The following LY9 variants were observed in gnomAD, a reference collection of about 807,000 sequenced individuals.
LY9 encodes the protein lymphocyte antigen 9.
In LY9, 59 loss-of-function variants were observed where a neutral mutation model predicts 64.6. The ratio of observed to expected loss-of-function variants is 0.91; its 90% CI spans 0.74 to 1.13. The LOEUF (loss-of-function observed/expected upper bound fraction) is 1.13. Among genes scored for constraint, LY9 ranks in the 50% most tolerant of loss-of-function variants. The pLI is 0.00. For missense variants in LY9, 789 were observed against 797.2 expected, an observed-to-expected ratio of 0.99 and a Z score of 0.12; for synonymous variants, 281 against 308.5, an observed-to-expected ratio of 0.91 and a Z score of 0.93.
rs1227399668 is a variant in LY9 at position 160,827,848 on chromosome 1, A to G, written c.*32A>G. On this transcript the variant is annotated 3_prime_UTR_variant, in exon 10 of 10. Transcript: ENST00000263285. ...AAGCAGCTGCTGCCTCTCTCCTGGG[A>G]CCGTGGGGTTGGAAAGTCAGCTGGA... is the stretch of plus-strand genomic sequence containing the variant. 3 of 1,587,994 alleles carry G rather than the reference A, an allele frequency of 1.9e-6. No individual in the cohort carries two copies. The African/African-American group carries it at 4.1e-5, about 21-fold the overall frequency.
chr1:160,814,665 C>T lies in LY9; in HGVS notation c.976C>T (p.Gln326Ter). ...CCAGGACTGCTCCCTGAAGATCAGCCAGCTGAAGATAGAGGACGCCGGCCC... is the reference window on the plus strand; with the variant it reads ...CCAGGACTGCTCCCTGAAGATCAGCTAGCTGAAGATAGAGGACGCCGGCCC... Reference protein sequence around the residue: ...SSQDCSLKISQLKIEDAGPYH... With the variant: ...SSQDCSLKIS Residue 326 changes from glutamine (Q) to a stop codon, truncating the protein, a stop_gained, in exon 4 of 10, where the codon CAG becomes TAG. Transcript: ENST00000263285. LOFTEE classifies it high-confidence loss of function. 1 of 1,614,188 alleles carries T rather than the reference C, an allele frequency of 6.2e-7. No homozygotes were observed. Among genetic ancestry groups the T allele is most frequent in the Non-Finnish European group, 8.5e-7 (1 of 1,180,028 alleles).
Position 160,814,724 on chromosome 1 carries a change from C to A in LY9, c.1035C>A (p.Ser345Arg), listed in dbSNP as rs145903479. The stretch of plus-strand genomic sequence containing the variant: ...CCTACGTGTGCTCAGAGGCCTCCAG[C>A]GTCACCAGCATGACACATGTCACCC... The part of the protein sequence containing the change: ...YHAYVCSEAS[S>R]VTSMTHVTLL... Residue 345 changes from serine to arginine, a missense_variant, in exon 4 of 10, where the codon AGC (serine) becomes AGA (arginine). Transcript: ENST00000263285. 18 of 1,613,972 alleles carry A rather than the reference C, an allele frequency of 1.1e-5. No homozygotes were observed. The highest frequency in any genetic ancestry group is 1.4e-5 in the Non-Finnish European group (17 of 1,179,924).
At position 160,819,745 on chromosome 1, in the gene LY9, C is replaced by A. The variant is rs1240633115; in HGVS notation, c.1498+371C>A. ...GGTGGAGGTTGCAGTCAGCCTAGAT[C>A]ACGCCACTGCACTACAGTCTGGGCA... On this transcript the variant is annotated intron_variant, in intron 7 of 9. Coordinates refer to ENST00000263285, the MANE Select transcript of LY9 (RefSeq NM_002348.4). 2.2e-4 allele frequency among the ~76,000 whole-genome samples: 32 copies of A among 145,636 alleles called. 3 individuals are homozygous for A. The highest frequency in any genetic ancestry group is 2.6e-5 in the African/African-American group (1 of 39,206).
chr1:160,807,295 A>G (rs1489585578), intron 2 of LY9, among the ~76,000 whole-genome samples: 3 of 152,100 alleles, frequency 2.0e-5, no homozygotes, highest in Admixed American at 6.6e-5. Context: ...GGGTGCATGC[A>G]GTAGTATAGT....
Position 160,799,776 on chromosome 1 carries a change from TC to T in LY9, c.149del (p.Ser50Ter), listed in dbSNP as rs1344631993. 1 of 1,613,538 alleles carries T rather than the reference TC, an allele frequency of 6.2e-7. No individual in the cohort carries two copies. On this transcript the variant is annotated frameshift_variant, in exon 2 of 10. Coordinates refer to ENST00000263285, the MANE Select transcript of LY9 (RefSeq NM_002348.4). LOFTEE classifies it high-confidence loss of function. ...AGGACTAAGAGCCTCTGGAAAGGACTCAGCCCCAACAGTGGTGTCAGGGATC... is the reference window on the plus strand; with the variant it reads ...AGGACTAAGAGCCTCTGGAAAGGACTAGCCCCAACAGTGGTGTCAGGGATC... Reference protein sequence around the residue: ...LMGLRASGKDSAPTVVSGILG... With the variant: ...LMGLRASGKDXAPTVVSGILG...
At chr1:160,796,348 C>A in intron 1 of LY9, 37 bp downstream of exon 1, 3 of 1,595,718 alleles carry the variant, frequency 1.9e-6, no homozygotes, top group Non-Finnish European at 2.6e-6. Flanking sequence ...CTTGCTACTG[C>A]GGTTCTTCTG....
chr1:160,827,766 C>A lies in LY9; in HGVS notation c.1918C>A (p.Gln640Lys), dbSNP rs1202741485. Residue 640 changes from glutamine (Q) to lysine (K), a missense_variant, in exon 10 of 10, where the codon CAG becomes AAG. Coordinates refer to ENST00000263285, the MANE Select transcript of LY9 (RefSeq NM_002348.4). Reference sequence around the variant, plus strand: ...CTCACAGGTGGTGCCACCACCACAACAGAATGATCTTGAGATTCCTGAAAG... The same window carrying A: ...CTCACAGGTGGTGCCACCACCACAAAAGAATGATCTTGAGATTCCTGAAAG... ...RKPQVVPPPQ[Q>K]NDLEIPESPT... 2 of 1,610,356 alleles carry A rather than the reference C, an allele frequency of 1.2e-6. No homozygotes were observed. Among genetic ancestry groups the A allele is most frequent in the Non-Finnish European group, 1.7e-6 (2 of 1,178,496 alleles).
In LY9 at chr1:160,816,803, A is replaced by G. The variant is rs1438956750; in HGVS notation, c.1282A>G (p.Thr428Ala). Residue 428 changes from threonine (T) to alanine (A), a missense_variant, in exon 5 of 10, where the codon ACA (threonine) becomes GCA (alanine). Transcript: ENST00000263285. ...TGAAAATCACCCCAACCTCACATGC[A>G]CAGCCAGCAACCCTGTCAGCAGGAG... ...SSENHPNLTCTASNPVSRSSH... is the reference protein window; with the variant it reads ...SSENHPNLTCAASNPVSRSSH... 1.9e-6 allele frequency: 3 copies of G among 1,614,134 alleles called. No individual in the cohort carries two copies. Among genetic ancestry groups the G allele is most frequent in the Non-Finnish European group, 2.5e-6 (3 of 1,180,060 alleles).
At chr1:160,811,288 A>G (rs1423213987) in intron 2 of LY9, 1 of 152,188 alleles carries the variant, frequency 6.6e-6, no homozygotes, top group African/African-American at 2.4e-5. Context: ...ACACTCCTTC[A>G]TTTGTCCTGT....
At chr1:160,819,932 GA>G (rs1242476056) in intron 7 of LY9, among the ~76,000 whole-genome samples, 1 of 151,848 alleles carries the variant, frequency 6.6e-6, no homozygotes, top group Non-Finnish European at 1.5e-5. Context: ...ATTTTAACAA[GA>G]TCCATAAGTG....
At position 160,816,579 on chromosome 1, in the gene LY9, C is replaced by A; in HGVS notation, c.1073-15C>A. ...CAGGCCTGATTCCACATGGAGTCTG[C>A]CTCTCTCCTCACAGGCAGGCTGAGG... On this transcript the variant is annotated splice_polypyrimidine_tract_variant and intron_variant, in intron 4 of 9. Transcript: ENST00000263285. The A allele has an allele frequency of 6.3e-7, 1 of 1,575,994 alleles. No individual in the cohort carries two copies. Among genetic ancestry groups the A allele is most frequent in the Non-Finnish European group, 8.6e-7 (1 of 1,158,574 alleles).
chr1:160,809,410 G>A (rs1414510163), intron 2 of LY9, among the ~76,000 whole-genome samples: 2 of 151,156 alleles, frequency 1.3e-5, no homozygotes, highest in African/African-American at 4.9e-5. Flanking sequence ...TCATTTTGTT[G>A]TCCAGGCTAG....
intron 9 of LY9, among the ~76,000 whole-genome samples, chr1:160,825,455 A>C (rs560662205): frequency 1.3e-5 from 2 of 152,326 alleles, no homozygotes; most frequent in African/African-American, 4.8e-5. Context: ...ATTAAGAACC[A>C]TGAGGCGTTT....
intron 9 of LY9, among the ~76,000 whole-genome samples, chr1:160,827,537 T>C (rs1668924113): frequency 6.6e-6 from 1 of 152,218 alleles, no homozygotes; most frequent in South Asian, 2.1e-4. Flanking sequence ...GTGTTGTCCT[T>C]GCAGAGAGTC....
At chr1:160,809,423 G>A (rs534849442) in intron 2 of LY9, among the ~76,000 whole-genome samples, 4 of 151,276 alleles carry the variant, frequency 2.6e-5, no homozygotes, top group East Asian at 1.9e-4. Flanking sequence ...CAGGCTAGTC[G>A]CAAACTCCTG....
intron 2 of LY9, chr1:160,801,769 G>GTTTC: frequency 6.4e-7 from 1 of 1,574,404 alleles, no homozygotes. Context: ...TCTTCTGCAT[G>GTTTC]TGACTATTCA....
intron 7 of LY9, among the ~76,000 whole-genome samples, chr1:160,821,896 C>A (rs978927766): frequency 6.6e-6 from 1 of 152,244 alleles, no homozygotes; most frequent in Non-Finnish European, 1.5e-5. Flanking sequence ...CTGGCCCTAC[C>A]ACTTACTCGG....
intron 2 of LY9, among the ~76,000 whole-genome samples, chr1:160,803,106 A>G (rs1011209190): frequency 6.6e-6 from 1 of 151,848 alleles, no homozygotes; most frequent in Admixed American, 6.6e-5. Context: ...ACATGGTGAA[A>G]CCCCGTCTAT....
At chr1:160,822,772 G>A (rs921280480) in intron 7 of LY9, among the ~76,000 whole-genome samples, 14 of 152,118 alleles carry the variant, frequency 9.2e-5, no homozygotes, top group African/African-American at 2.2e-4. Flanking sequence ...CCCTCACAGC[G>A]CATCCACCAT....
Sources: gnomAD v4.1 joint callset for allele counts (sites outside exome capture counted in the v4.1 genomes callset) on GRCh38, gnomAD v4.1.1 for gene constraint, MANE v1.5 for transcripts, NCBI Gene and HGNC (gene_info 2026-07-23, HGNC 2026-07-21) for gene names.